The following DPF3 variants were observed in gnomAD, a reference collection of about 807,000 sequenced individuals.
DPF3 encodes the protein zinc finger protein DPF3.
Under a neutral mutation model 56.8 loss-of-function variants are expected in DPF3, and 18 were observed. That is an observed-to-expected ratio of 0.32 (90% confidence interval 0.22 to 0.47). The LOEUF (loss-of-function observed/expected upper bound fraction) is 0.47. DPF3 is among the 20% of genes least tolerant of loss of function. The pLI is 1.00. For synonymous variants in DPF3, 188 were observed against 180.2 expected (o/e 1.04, Z -0.35); for missense variants, 403 against 488.8 (o/e 0.82, Z 1.65).
intron 1 of DPF3, among the ~76,000 whole-genome samples, chr14:72,813,554 C>T (rs147089719): frequency 3.3e-5 from 5 of 152,258 alleles, no homozygotes; most frequent in African/African-American, 4.8e-5. Flanking sequence ...TGGCCTCCCC[C>T]CCGGCACCCA....
intron 2 of DPF3, among the ~76,000 whole-genome samples, chr14:72,761,076 A>G (rs1599418049): frequency 1.3e-5 from 2 of 152,134 alleles, no homozygotes; most frequent in East Asian, 3.8e-4. Flanking sequence ...TTCAATATAC[A>G]TGAAACAAAA....
At chr14:72,864,109 G>A (rs1485136474) in intron 1 of DPF3, among the ~76,000 whole-genome samples, 1 of 152,086 alleles carries the variant, frequency 6.6e-6, no homozygotes, top group East Asian at 1.9e-4. Context: ...CCTCCAGAGA[G>A]AATTGATCCC....
At chr14:72,746,452 T>A (rs1216593001) in intron 3 of DPF3, among the ~76,000 whole-genome samples, 1 of 152,092 alleles carries the variant, frequency 6.6e-6, no homozygotes, top group East Asian at 1.9e-4. Flanking sequence ...ATGACAAGCA[T>A]CTGCCCTAGG....
chr14:72,643,548 C>T (rs1193729978), intron 8 of DPF3, among the ~76,000 whole-genome samples: 1 of 152,240 alleles, frequency 6.6e-6, no homozygotes. Context: ...TGTTACTGGG[C>T]TTCGGCTCCT....
intron 10 of DPF3, 37 bp downstream of exon 10, chr14:72,619,866 C>T: frequency 6.7e-7 from 1 of 1,502,912 alleles, no homozygotes; most frequent in Non-Finnish European, 8.9e-7. Flanking sequence ...GTAGTAGTAT[C>T]TGTTGCTGTT....
At chr14:72,787,493 C>T (rs180984275) in intron 1 of DPF3, among the ~76,000 whole-genome samples, 1 of 152,300 alleles carries the variant, frequency 6.6e-6, no homozygotes, top group East Asian at 1.9e-4. Context: ...AACCACGTGG[C>T]ACCCGGGCTC....
At chr14:72,650,626 C>G (rs549345711) in intron 8 of DPF3, among the ~76,000 whole-genome samples, 10 of 152,190 alleles carry the variant, frequency 6.6e-5, no homozygotes, top group African/African-American at 2.4e-4. Flanking sequence ...CTGTGACCAG[C>G]GGCTCTCTGT....
chr14:72,801,705 G>A (rs542797993), intron 1 of DPF3, among the ~76,000 whole-genome samples: 12 of 152,176 alleles, frequency 7.9e-5, no homozygotes, highest in South Asian at 4.2e-4. Flanking sequence ...GTCCAGTGGC[G>A]ACAGATCAGG....
chr14:72,640,626 G>T (rs1417386058), intron 8 of DPF3, among the ~76,000 whole-genome samples: 2 of 152,196 alleles, frequency 1.3e-5, no homozygotes, highest in Non-Finnish European at 2.9e-5. Context: ...TGTGTGTGAG[G>T]AAGAGGCAGA....
chr14:72,847,428 T>G (rs1223313566), intron 1 of DPF3, among the ~76,000 whole-genome samples: 5 of 152,230 alleles, frequency 3.3e-5, no homozygotes, highest in African/African-American at 1.2e-4. Flanking sequence ...ATTATAAGCC[T>G]TGATCTACTT....
At chr14:72,780,879 G>A (rs1423529512) in intron 1 of DPF3, among the ~76,000 whole-genome samples, 1 of 152,192 alleles carries the variant, frequency 6.6e-6, no homozygotes, top group Non-Finnish European at 1.5e-5. Context: ...CTTGTGCTTA[G>A]TGAGAATGCC....
At chr14:72,866,675 G>A (rs1450850765) in intron 1 of DPF3, among the ~76,000 whole-genome samples, 3 of 150,312 alleles carry the variant, frequency 2.0e-5, no homozygotes, top group African/African-American at 2.4e-5. Context: ...TGACCAACAC[G>A]AAGAAACCCC....
intron 1 of DPF3, among the ~76,000 whole-genome samples, chr14:72,863,142 A>ATGTGTG (rs1195673764): frequency 2.6e-5 from 3 of 113,818 alleles, no homozygotes; most frequent in African/African-American, 1.1e-4. Context: ...GTGTGTATAT[A>ATGTGTG]TATATGTGTG....
chr14:72,700,331 G>A (rs1270281307), intron 6 of DPF3, among the ~76,000 whole-genome samples: 1 of 152,150 alleles, frequency 6.6e-6, no homozygotes, highest in East Asian at 1.9e-4. Context: ...CCTGCTGTTG[G>A]CATCTTGAAA....
intron 4 of DPF3, among the ~76,000 whole-genome samples, chr14:72,728,530 G>A (rs1001072343): frequency 2.0e-5 from 3 of 152,148 alleles, no homozygotes; most frequent in Admixed American, 6.5e-5. Context: ...CATCCTTTTC[G>A]ATTTATTTAG....
chr14:72,893,405 G>T (rs1432006539), intron 1 of DPF3, among the ~76,000 whole-genome samples: 2 of 152,084 alleles, frequency 1.3e-5, no homozygotes, highest in Non-Finnish European at 2.9e-5. Flanking sequence ...TCCGAGATCC[G>T]GGGGCTGCCG....
intron 1 of DPF3, among the ~76,000 whole-genome samples, chr14:72,875,903 C>T (rs1317596585): frequency 6.6e-6 from 1 of 152,226 alleles, no homozygotes; most frequent in Non-Finnish European, 1.5e-5. Flanking sequence ...TAGAGACCTG[C>T]AGCCTCACTC....
At chr14:72,633,944 G>A (rs969734201) in intron 8 of DPF3, among the ~76,000 whole-genome samples, 17 of 152,322 alleles carry the variant, frequency 1.1e-4, no homozygotes, top group African/African-American at 3.6e-4. Flanking sequence ...GTGGGTTTTG[G>A]AAATGCCTGT....
chr14:72,873,857 G>T (rs1039042044), intron 1 of DPF3, among the ~76,000 whole-genome samples: 2 of 151,730 alleles, frequency 1.3e-5, no homozygotes, highest in Non-Finnish European at 2.9e-5. Flanking sequence ...CTCACTCATA[G>T]GTGGGAACTG....
Sources: allele counts gnomAD v4.1 joint callset (sites outside exome capture counted in the v4.1 genomes callset), GRCh38; gene constraint gnomAD v4.1.1; transcripts MANE v1.5; gene names NCBI Gene and HGNC (gene_info 2026-07-23, HGNC 2026-07-21).